SHISA6: variants seen among roughly 807,000 people sequenced by gnomAD.
The protein encoded by SHISA6 is protein shisa-6.
SHISA6 carries 22 observed loss-of-function variants against 47.9 expected under a neutral mutation model. The observed-to-expected ratio is 0.46, with a 90% confidence interval of 0.33 to 0.66. The LOEUF is 0.66. SHISA6 is among the 30% of genes least tolerant of loss of function. The probability of loss-of-function intolerance (pLI) is 0.02; values close to 1 mark genes in which losing one functional copy is unlikely to be tolerated. For missense variants in SHISA6, 680 were observed against 764.6 expected (o/e 0.89, Z 1.30); for synonymous variants, 388 against 337.8 (o/e 1.15, Z -1.63).
intron 2 of SHISA6, among the ~76,000 whole-genome samples, chr17:11,374,248 C>T (rs559086232): frequency 6.6e-6 from 1 of 152,054 alleles, no homozygotes; most frequent in Admixed American, 6.5e-5. Context: ...TGTTTACTTT[C>T]TTATTAATGT....
chr17:11,439,667 T>A (rs1371582171), intron 3 of SHISA6, among the ~76,000 whole-genome samples: 2 of 151,856 alleles, frequency 1.3e-5, no homozygotes, highest in Non-Finnish European at 2.9e-5. Flanking sequence ...ATAAAGCAGG[T>A]AAAAAAAATT....
At chr17:11,334,635 A>G (rs1330033259) in intron 2 of SHISA6, among the ~76,000 whole-genome samples, 4 of 152,174 alleles carry the variant, frequency 2.6e-5, no homozygotes, top group African/African-American at 7.2e-5. Flanking sequence ...TGGGATGCCT[A>G]TCGGGGGGAG....
chr17:11,249,626 G>A (rs530899084), intron 1 of SHISA6, among the ~76,000 whole-genome samples: 29 of 152,252 alleles, frequency 1.9e-4, no homozygotes, highest in African/African-American at 6.5e-4. Flanking sequence ...TTGGGAGGCC[G>A]CATGCTGATT....
intron 2 of SHISA6, among the ~76,000 whole-genome samples, chr17:11,347,940 A>T (rs914248456): frequency 5.3e-5 from 8 of 152,210 alleles, no homozygotes; most frequent in African/African-American, 1.9e-4. Context: ...ATCCTTGGGG[A>T]TGTATGAAAC....
chr17:11,480,506 C>T (rs549774359), intron 3 of SHISA6, among the ~76,000 whole-genome samples: 2 of 152,278 alleles, frequency 1.3e-5, no homozygotes, highest in South Asian at 2.1e-4. Context: ...TGGCCAGGCT[C>T]ACCCCAAAAT....
intron 3 of SHISA6, among the ~76,000 whole-genome samples, chr17:11,384,208 G>T (rs778996941): frequency 3.3e-5 from 5 of 152,226 alleles, no homozygotes; most frequent in Non-Finnish European, 4.4e-5. Flanking sequence ...AAGATCTGCT[G>T]CTGCTCACTG....
intron 2 of SHISA6, among the ~76,000 whole-genome samples, chr17:11,306,635 A>T (rs569070911): frequency 0.012 from 1,791 of 152,140 alleles, 30 homozygotes; most frequent in African/African-American, 0.04. Context: ...TATTTTTTGG[A>T]TGTGATAAGG....
At chr17:11,402,488 A>C in intron 3 of SHISA6, among the ~76,000 whole-genome samples, 1 of 152,214 alleles carries the variant, frequency 6.6e-6, no homozygotes, top group South Asian at 2.1e-4. Context: ...AATGAGAGGC[A>C]TTCTCAGCCT....
chr17:11,522,496 AG>A (rs1431931688), intron 3 of SHISA6, among the ~76,000 whole-genome samples: 3 of 152,178 alleles, frequency 2.0e-5, no homozygotes. Context: ...GACACCAAAG[AG>A]TCAGGCTGTT....
chr17:11,557,593 C>G (rs993833912), intron 5 of SHISA6, among the ~76,000 whole-genome samples, 161 bp from the exon 6 acceptor site: 1 of 152,198 alleles, frequency 6.6e-6, no homozygotes, highest in Non-Finnish European at 1.5e-5. Context: ...GAAAATACAC[C>G]CTTCACCCGT....
intron 3 of SHISA6, among the ~76,000 whole-genome samples, chr17:11,545,534 G>A (rs1034214368): frequency 6.6e-6 from 1 of 152,150 alleles, no homozygotes; most frequent in African/African-American, 2.4e-5. Context: ...TGGAGAAACT[G>A]AGCAATGAGT....
chr17:11,492,871 A>C (rs1186149610), intron 3 of SHISA6, among the ~76,000 whole-genome samples: 1 of 152,136 alleles, frequency 6.6e-6, no homozygotes, highest in East Asian at 1.9e-4. Flanking sequence ...TGTCCCACAC[A>C]GTACACTTTC....
At chr17:11,280,457 A>G (rs1909079913) in intron 2 of SHISA6, among the ~76,000 whole-genome samples, 2 of 152,250 alleles carry the variant, frequency 1.3e-5, no homozygotes, top group Admixed American at 6.5e-5. Flanking sequence ...AGAGGTTGCA[A>G]TACAACAGGT....
chr17:11,430,739 C>T (rs16944718), intron 3 of SHISA6, among the ~76,000 whole-genome samples: 18,500 of 152,138 alleles, frequency 0.12, 1,347 homozygotes, highest in African/African-American at 0.19. Context: ...TAATAAGAAC[C>T]AGAGGCACCT....
At chr17:11,339,054 C>T (rs1911427712) in intron 2 of SHISA6, among the ~76,000 whole-genome samples, 1 of 149,864 alleles carries the variant, frequency 6.7e-6, no homozygotes, top group Admixed American at 6.6e-5. Flanking sequence ...AAAAAAAAAT[C>T]CAAAATGTGT....
chr17:11,453,687 T>A (rs1915460636), intron 3 of SHISA6, among the ~76,000 whole-genome samples: 1 of 152,176 alleles, frequency 6.6e-6, no homozygotes, highest in Non-Finnish European at 1.5e-5. Flanking sequence ...TAAAATTAGC[T>A]TTTGGTGGGA....
chr17:11,288,865 A>T (rs559282169), intron 2 of SHISA6: 1 of 152,160 alleles, frequency 6.6e-6, no homozygotes, highest in South Asian at 2.1e-4. Context: ...CTGACCCGAA[A>T]TGAGGCTAAA....
rs929899939 is a variant in SHISA6, at chr17:11,241,281, C to G, written c.-142C>G. The stretch of plus-strand genomic sequence containing the variant: ...GCGCCGCCGCCGCCACTGCCGCCCG[C>G]GCCTCGATGGCGCCATCGCCCCGGA... On this transcript the variant is annotated 5_prime_UTR_variant, in exon 1 of 6. Transcript: ENST00000441885. The surrounding 1 kb of genome is among the most constrained non-coding windows in gnomAD (Gnocchi z 5.5). The G allele has an allele frequency of 2.7e-6, 1 of 365,070 alleles. No homozygotes were observed. Among genetic ancestry groups the G allele is most frequent in the Non-Finnish European group, 3.8e-6 (1 of 265,120 alleles). The allele number at this position is 365,070 out of a possible 1,614,324, so 22.6% of individuals were successfully genotyped here.
chr17:11,307,975 G>A (rs145491845), intron 2 of SHISA6, among the ~76,000 whole-genome samples: 374 of 152,268 alleles, frequency 2.5e-3, no homozygotes, highest in Admixed American at 4.0e-3. Context: ...AAAAAAGGCA[G>A]TTTCTTCCGG....
Sources: allele counts gnomAD v4.1 joint callset (sites outside exome capture counted in the v4.1 genomes callset), GRCh38; gene constraint gnomAD v4.1.1; non-coding constraint Gnocchi (gnomAD v3.1); transcripts MANE v1.5; gene names NCBI Gene and HGNC (gene_info 2026-07-23, HGNC 2026-07-21).